Variants in ELP3 observed in about 807,000 individuals in gnomAD.
ELP3 encodes elongator acetyltransferase complex subunit 3, also known as elongator complex protein 3.
In ELP3, 56 loss-of-function variants were observed where a neutral mutation model predicts 74.9. The observed-to-expected ratio is 0.75, with a 90% CI of 0.60 to 0.93. The LOEUF is 0.93. Among genes scored for constraint, ELP3 ranks in the 40% least tolerant of loss-of-function variants. The probability of loss-of-function intolerance (pLI) is 0.00; values close to 1 mark genes in which losing one functional copy is unlikely to be tolerated. For missense variants in ELP3, 573 were observed against 686.5 expected (o/e 0.83, Z 1.85); for synonymous variants, 222 against 239.8 (o/e 0.93, Z 0.68).
At chr8:28,134,129 G>A (rs1023563382) in intron 9 of ELP3, among the ~76,000 whole-genome samples, 4 of 151,996 alleles carry the variant, frequency 2.6e-5, no homozygotes, top group Non-Finnish European at 2.9e-5. Flanking sequence ...GACAGGCCCC[G>A]GGGTATGATG....
At chr8:28,104,261 A>T (rs1811601455) in intron 3 of ELP3, among the ~76,000 whole-genome samples, 2 of 152,148 alleles carry the variant, frequency 1.3e-5, no homozygotes, top group Admixed American at 6.5e-5. Flanking sequence ...TTTATCAGGT[A>T]CCAATTATGC....
intron 6 of ELP3, chr8:28,112,607 A>G (rs1811964868): frequency 6.5e-6 from 1 of 153,388 alleles, no homozygotes; most frequent in African/African-American, 2.4e-5. Flanking sequence ...TCATTCATGT[A>G]TCATTGTTGA....
intron 14 of ELP3, chr8:28,183,196 G>T (rs990904340): frequency 1.5e-5 from 7 of 460,562 alleles, no homozygotes; most frequent in African/African-American, 1.4e-4. Context: ...CCCCAAAGGG[G>T]TGGATGTCCT....
At chr8:28,101,897 T>C (rs1811505288) in intron 3 of ELP3, among the ~76,000 whole-genome samples, 1 of 152,178 alleles carries the variant, frequency 6.6e-6, no homozygotes. Context: ...GCCGACTTTT[T>C]AGAGTTAAGC....
intron 7 of ELP3, among the ~76,000 whole-genome samples, chr8:28,127,764 G>A (rs1812636233): frequency 6.6e-6 from 1 of 152,110 alleles, no homozygotes; most frequent in African/African-American, 2.4e-5. Context: ...CTGTCTCATA[G>A]TTCATCTTTT....
intron 14 of ELP3, among the ~76,000 whole-genome samples, chr8:28,177,706 C>T (rs943684933): frequency 1.8e-4 from 27 of 152,144 alleles, no homozygotes; most frequent in African/African-American, 6.3e-4. Context: ...TGGCCTATGT[C>T]CTAACAAGTA....
Position 28,097,371 on chromosome 8 carries a change from T to A in ELP3, c.119+53T>A. 3.2e-6 allele frequency: 4 copies of A among 1,243,706 alleles called. No individual in the cohort carries two copies. In the Admixed American group the frequency reaches 7.4e-5, roughly 23 times the overall value. 77.0% of individuals were successfully genotyped at this position (1,243,706 alleles called of 1,614,324 possible). A position where few individuals can be genotyped will look rare whatever the true frequency, so the allele number is the denominator to read the frequency against. The stretch of plus-strand genomic sequence containing the variant: ...TTGTTCTTAGGTAGCAGATCTCTTT[T>A]ATGAAATTATCTAGTACTACTTGTT... On this transcript the variant is annotated intron_variant, in intron 2 of 14. Transcript: ENST00000256398.
Position 28,155,956 on chromosome 8 carries a change from C to T in ELP3, c.1115C>T (p.Pro372Leu). 1.2e-6 allele frequency: 2 copies of T among 1,613,730 alleles called. No homozygotes were observed. The highest frequency in any genetic ancestry group is 1.7e-6 in the Non-Finnish European group (2 of 1,179,730). Residue 372 changes from proline to leucine, a missense_variant, in exon 11 of 15, where the codon CCT becomes CTT. Coordinates refer to ENST00000256398, the MANE Select transcript of ELP3 (RefSeq NM_018091.6). ...VYRVQRDIPM[P>L]LVSSGVEHGN... ...CCTGTGTACAGGGATATTCCAATGC[C>T]TTTAGTTAGCTCAGGAGTAGAGCAT... is the stretch of plus-strand genomic sequence containing the variant.
chr8:28,188,040 GA>G (rs1815309380), intron 14 of ELP3, among the ~76,000 whole-genome samples: 1 of 152,184 alleles, frequency 6.6e-6, no homozygotes, highest in South Asian at 2.1e-4. Context: ...AGCTAGAGGA[GA>G]ATCAGGAGAT....
chr8:28,145,942 G>T (rs1271124425), intron 10 of ELP3, among the ~76,000 whole-genome samples: 1 of 152,062 alleles, frequency 6.6e-6, no homozygotes, highest in Non-Finnish European at 1.5e-5. Context: ...ACTTAGGCAG[G>T]TATCAGAAGG....
In ELP3 at chr8:28,127,451, G is replaced by A. The variant is rs372994780; in HGVS notation, c.618-2051G>A. 9.9e-5 allele frequency among the ~76,000 whole-genome samples: 15 copies of A among 152,164 alleles called. No individual in the cohort carries two copies. The East Asian group carries it at 1.2e-3, about 12-fold the overall frequency. ...GATATTCTCATTTACTTTTAAAAAC[G>A]TCATTTAGAGCTTTTTGCTTTCTGG... On this transcript the variant is annotated intron_variant, in intron 7 of 14. Transcript: ENST00000256398.
chr8:28,119,394 T>G (rs143530323), intron 7 of ELP3, among the ~76,000 whole-genome samples: 5 of 152,004 alleles, frequency 3.3e-5, no homozygotes, highest in Non-Finnish European at 7.4e-5. Context: ...TATCCATTCA[T>G]CAGTGTCTCT....
intron 14 of ELP3, among the ~76,000 whole-genome samples, chr8:28,170,683 AT>A (rs1226690610): frequency 1.3e-5 from 2 of 152,300 alleles, no homozygotes; most frequent in East Asian, 3.9e-4. Flanking sequence ...ACATGGAGAA[AT>A]TTTATGCATT....
At chr8:28,093,072 C>A (rs149610446), upstream of ELP3, 1,872 of 1,383,620 alleles carry the variant, frequency 1.4e-3, 21 homozygotes, top group African/African-American at 0.024. Flanking sequence ...GCTTTGTGCA[C>A]GTCGGCTTCC....
chr8:28,115,450 T>C (rs977506668), intron 7 of ELP3, among the ~76,000 whole-genome samples: 9 of 152,286 alleles, frequency 5.9e-5, no homozygotes, highest in African/African-American at 2.2e-4. Context: ...GGTGGCAGAA[T>C]AATGGTCATC....
At chr8:28,120,375 A>G (rs1423572800) in intron 7 of ELP3, among the ~76,000 whole-genome samples, 4 of 152,142 alleles carry the variant, frequency 2.6e-5, no homozygotes, top group African/African-American at 4.8e-5. Context: ...CTATTTGAGT[A>G]TATTTCCTTT....
chr8:28,109,642 A>G (rs1172754685), intron 5 of ELP3, among the ~76,000 whole-genome samples: 2 of 152,222 alleles, frequency 1.3e-5, no homozygotes, highest in Non-Finnish European at 2.9e-5. Context: ...GAATCTGAAC[A>G]TGAGATTCAT....
intron 14 of ELP3, among the ~76,000 whole-genome samples, chr8:28,165,857 T>C (rs1814285952): frequency 6.6e-6 from 1 of 152,232 alleles, no homozygotes; most frequent in Non-Finnish European, 1.5e-5. Flanking sequence ...TTCAGTAGAC[T>C]TTGTTTATAG....
Position 28,160,284 on chromosome 8 carries a change from C to T in ELP3, c.1313C>T (p.Ser438Leu). 3.1e-6 allele frequency: 5 copies of T among 1,614,102 alleles called. No individual in the cohort carries two copies. Among genetic ancestry groups the T allele is most frequent in the Non-Finnish European group, 4.2e-6 (5 of 1,180,014 alleles). The change falls in exon 13 of 15, where the codon TCA becomes TTA. Residue 438 changes from serine to leucine, a missense_variant. Physicochemically the swap from Ser to Leu is moderately radical, Grantham distance 145. Transcript: ENST00000256398. ...VANGGWETFLSYEDPDQDILI... is the reference protein window; with the variant it reads ...VANGGWETFLLYEDPDQDILI... ...AATGGTGGCTGGGAAACATTCTTGTCATACGAAGACCCAGATCAAGACATT... is the reference window on the plus strand; with the variant it reads ...AATGGTGGCTGGGAAACATTCTTGTTATACGAAGACCCAGATCAAGACATT...
Sources: gnomAD v4.1 joint callset for allele counts (sites outside exome capture counted in the v4.1 genomes callset) on GRCh38, gnomAD v4.1.1 for gene constraint, MANE v1.5 for transcripts, NCBI Gene and HGNC (gene_info 2026-07-23, HGNC 2026-07-21) for gene names.